CREBBP: variants seen among roughly 807,000 people sequenced by gnomAD.
CREBBP encodes CREB-binding protein.
In CREBBP, 19 loss-of-function variants were observed where a neutral mutation model predicts 265.0. The observed-to-expected ratio is 0.07, with a 90% CI of 0.05 to 0.11. CREBBP has a LOEUF of 0.11. Ranked by LOEUF, CREBBP falls within the 10% of genes least tolerant of loss-of-function variation. The pLI is 1.00. For missense variants in CREBBP, 2,525 were observed against 3,219.0 expected, an observed-to-expected ratio of 0.78 and a Z score of 5.22; for synonymous variants, 1,457 against 1,223.7, an observed-to-expected ratio of 1.19 and a Z score of -3.98.
chr16:3,730,992 TG>T (rs1251205398), intron 30 of CREBBP, among the ~76,000 whole-genome samples, 199 bp downstream of exon 30: 2 of 152,228 alleles, frequency 1.3e-5, no homozygotes, highest in Admixed American at 1.3e-4. Context: ...GGGTCAGGCC[TG>T]TGGCTGTGGC....
chr16:3,863,464 G>A (rs762048253), intron 1 of CREBBP, among the ~76,000 whole-genome samples: 14 of 152,086 alleles, frequency 9.2e-5, no homozygotes, highest in Non-Finnish European at 1.3e-4. Flanking sequence ...TTAGCTGAGC[G>A]TGGTGGTGGG....
chr16:3,856,317 A>T (rs940363008), intron 1 of CREBBP, among the ~76,000 whole-genome samples: 16 of 152,084 alleles, frequency 1.1e-4, no homozygotes, highest in Admixed American at 9.2e-4. Flanking sequence ...TAATTAATGA[A>T]TTAATTAAAT....
intron 13 of CREBBP, among the ~76,000 whole-genome samples, chr16:3,771,406 T>C (rs1407288224): frequency 6.6e-6 from 1 of 152,150 alleles, no homozygotes; most frequent in Non-Finnish European, 1.5e-5. Context: ...CTTGGGAGTG[T>C]TCTGCTTGTG....
intron 3 of CREBBP, among the ~76,000 whole-genome samples, chr16:3,804,036 A>G (rs1246094179): frequency 6.6e-6 from 1 of 151,778 alleles, no homozygotes; most frequent in Non-Finnish European, 1.5e-5. Flanking sequence ...TGAGCTGAAG[A>G]CTACACCACT....
rs868497278 is a variant in CREBBP, at chr16:3,740,992, T to C, written c.3983-443A>G. ...AGTCTGACGTGAACGTGGAACGTTC[T>C]AGGGCTAACCAATTAAGCTCTGGCC... On this transcript the variant is annotated intron_variant, in intron 23 of 30. Coordinates refer to ENST00000262367, the MANE Select transcript of CREBBP (RefSeq NM_004380.3). 38 of 312,042 alleles carry C rather than the reference T, an allele frequency of 1.2e-4. No individual in the cohort carries two copies. In the Middle Eastern group the frequency reaches 3.4e-3, roughly 28 times the overall value. The allele number at this position is 312,042 out of a possible 1,614,324, so 19.3% of individuals were successfully genotyped here.
intron 28 of CREBBP, among the ~76,000 whole-genome samples, chr16:3,733,539 G>A (rs1039482447): frequency 6.6e-6 from 1 of 152,194 alleles, no homozygotes; most frequent in African/African-American, 2.4e-5. Flanking sequence ...GCTCACCGTG[G>A]CAGCAAATGT....
At chr16:3,860,270 G>A (rs946896393) in intron 1 of CREBBP, among the ~76,000 whole-genome samples, 1 of 152,164 alleles carries the variant, frequency 6.6e-6, no homozygotes, top group Non-Finnish European at 1.5e-5. Flanking sequence ...CTACTCAAAT[G>A]CTTCTATTAA....
intron 2 of CREBBP, among the ~76,000 whole-genome samples, chr16:3,841,316 G>A (rs937167903): frequency 1.3e-5 from 2 of 151,996 alleles, no homozygotes; most frequent in Non-Finnish European, 1.5e-5. Flanking sequence ...ACCCAACACC[G>A]AGAATTTGAA....
chr16:3,838,672 T>G (rs1008652064), intron 2 of CREBBP, among the ~76,000 whole-genome samples: 3 of 152,174 alleles, frequency 2.0e-5, no homozygotes, highest in Non-Finnish European at 2.9e-5. Flanking sequence ...ACAGGCAAGA[T>G]TTTCTTTTCT....
At chr16:3,745,814 C>T (rs917417201) in intron 21 of CREBBP, among the ~76,000 whole-genome samples, 7 of 152,196 alleles carry the variant, frequency 4.6e-5, no homozygotes, top group Admixed American at 6.5e-5. Flanking sequence ...ATGGGAAACA[C>T]GGCCAGTTCA....
At chr16:3,837,659 T>A (rs1055477190) in intron 2 of CREBBP, among the ~76,000 whole-genome samples, 1 of 150,826 alleles carries the variant, frequency 6.6e-6, no homozygotes, top group Non-Finnish European at 1.5e-5. Flanking sequence ...TAAAAAATTT[T>A]AAAATAGAAA....
intron 21 of CREBBP, among the ~76,000 whole-genome samples, chr16:3,749,370 G>A (rs1228254232): frequency 6.6e-6 from 1 of 152,118 alleles, no homozygotes; most frequent in Non-Finnish European, 1.5e-5. Context: ...CAAATTATTA[G>A]AGAGGTTCTC....
At chr16:3,760,081 C>T (rs1201419099) in intron 16 of CREBBP, among the ~76,000 whole-genome samples, 1 of 152,082 alleles carries the variant, frequency 6.6e-6, no homozygotes, top group Non-Finnish European at 1.5e-5. Context: ...TCTTGGTGTT[C>T]TTTAATTTTT....
intron 16 of CREBBP, chr16:3,767,214 C>T (rs1202890740): frequency 1.2e-5 from 2 of 170,220 alleles, no homozygotes; most frequent in South Asian, 1.4e-4. Context: ...TGTCTCACTA[C>T]ACAGGGTCCC....
Position 3,726,007 on chromosome 16 carries a change from C to A in CREBBP, c.*1711G>T, listed in dbSNP as rs1318556072. 8.6e-6 allele frequency: 2 copies of A among 233,104 alleles called. No individual in the cohort carries two copies. Among genetic ancestry groups the A allele is most frequent in the East Asian group, 1.2e-4 (2 of 16,586 alleles). 14.4% of individuals were successfully genotyped at this position (233,104 alleles called of 1,614,324 possible). The stretch of plus-strand genomic sequence containing the variant: ...ACCCACTCAGTAAGGGAGCCTGGAA[C>A]TGGACTCCAAGGGAGGCAGGACCAT... On this transcript the variant is annotated 3_prime_UTR_variant, in exon 31 of 31. Coordinates refer to ENST00000262367, the MANE Select transcript of CREBBP (RefSeq NM_004380.3).
intron 26 of CREBBP, among the ~76,000 whole-genome samples, chr16:3,737,198 C>A (rs2052083650): frequency 6.6e-6 from 1 of 152,168 alleles, no homozygotes; most frequent in African/African-American, 2.4e-5. Context: ...CAACATAAAC[C>A]TCATTCATTC....
intron 16 of CREBBP, chr16:3,767,345 T>C: frequency 8.0e-6 from 2 of 251,106 alleles, no homozygotes; most frequent in East Asian, 9.4e-5. Flanking sequence ...TATGGCTTTT[T>C]TGGTTATTCT....
intron 22 of CREBBP, 95 bp from the exon 23 acceptor site, chr16:3,745,056 A>C (rs1567276970): frequency 9.8e-7 from 1 of 1,016,568 alleles, no homozygotes; most frequent in Non-Finnish European, 1.5e-6. Context: ...TGGCAGTTTA[A>C]ATCACATTAT....
intron 1 of CREBBP, among the ~76,000 whole-genome samples, chr16:3,857,528 G>T (rs1009611617): frequency 1.3e-5 from 2 of 152,184 alleles, no homozygotes; most frequent in Non-Finnish European, 2.9e-5. Context: ...ACACAGCTTT[G>T]CTTTCTACAC....
Sources: allele counts gnomAD v4.1 joint callset (sites outside exome capture counted in the v4.1 genomes callset), GRCh38; gene constraint gnomAD v4.1.1; transcripts MANE v1.5; gene names NCBI Gene and HGNC (gene_info 2026-07-23, HGNC 2026-07-21).